Variants in PRIMA1 observed in about 807,000 individuals in gnomAD.
PRIMA1 encodes proline-rich membrane anchor 1.
In PRIMA1, 7 loss-of-function variants were observed where a neutral mutation model predicts 17.5. The ratio of observed to expected loss-of-function variants is 0.40; its 90% CI spans 0.23 to 0.75. The LOEUF (loss-of-function observed/expected upper bound fraction) is 0.75. Among genes scored for constraint, PRIMA1 ranks in the 30% least tolerant of loss-of-function variants. The pLI is 0.37. For synonymous variants in PRIMA1, 97 were observed against 77.9 expected, an observed-to-expected ratio of 1.25 and a Z score of -1.29; for missense variants, 200 against 201.8, an observed-to-expected ratio of 0.99 and a Z score of 0.05.
intron 4 of PRIMA1, 58 bp from the exon 5 acceptor site, chr14:93,721,604 A>G: frequency 9.8e-7 from 1 of 1,022,738 alleles, no homozygotes; most frequent in Non-Finnish European, 1.5e-6. Flanking sequence ...GGACACCATT[A>G]GTTATCACTG....
intron 2 of PRIMA1, among the ~76,000 whole-genome samples, chr14:93,779,714 C>A (rs985400696): frequency 1.3e-5 from 2 of 152,168 alleles, no homozygotes; most frequent in African/African-American, 4.8e-5. Flanking sequence ...TAAGCCCAAC[C>A]GCTTCTCCTG....
At chr14:93,741,144 A>G (rs1357975467) in intron 3 of PRIMA1, among the ~76,000 whole-genome samples, 3 of 152,272 alleles carry the variant, frequency 2.0e-5, no homozygotes, top group Non-Finnish European at 4.4e-5. Flanking sequence ...GTGAAGGCAT[A>G]CATCTTGGAT....
chr14:93,720,377 A>C lies in PRIMA1; in HGVS notation c.*1067T>G, dbSNP rs897633008. The C allele has an allele frequency of 6.6e-6, 1 of 152,314 alleles. No individual in the cohort carries two copies. The highest frequency in any genetic ancestry group is 1.5e-5 in the Non-Finnish European group (1 of 68,092). 9.4% of individuals were successfully genotyped at this position (152,314 alleles called of 1,614,324 possible). A position where few individuals can be genotyped will look rare whatever the true frequency, so the allele number is the denominator to read the frequency against. On this transcript the variant is annotated 3_prime_UTR_variant, in exon 5 of 5. Coordinates refer to ENST00000393140, the MANE Select transcript of PRIMA1 (RefSeq NM_178013.4). ...CGCTTCTATAGCATGAGACTGTGGA[A>C]ACAGACATTGAAAGGAAGACCCTGG...
At chr14:93,723,679 G>A (rs1274310348) in intron 4 of PRIMA1, among the ~76,000 whole-genome samples, 1 of 152,116 alleles carries the variant, frequency 6.6e-6, no homozygotes, top group Admixed American at 6.5e-5. Flanking sequence ...CATGCTTTGT[G>A]CAAAGCACTC....
At chr14:93,783,180 GTACTT>G (rs1423102435) in intron 2 of PRIMA1, among the ~76,000 whole-genome samples, 1 of 152,212 alleles carries the variant, frequency 6.6e-6, no homozygotes, top group African/African-American at 2.4e-5. Flanking sequence ...AGGTAGATGA[GTACTT>G]TATTAATCCT....
At chr14:93,775,830 C>T (rs906707601) in intron 3 of PRIMA1, among the ~76,000 whole-genome samples, 2 of 152,214 alleles carry the variant, frequency 1.3e-5, no homozygotes, top group Non-Finnish European at 2.9e-5. Context: ...CCCTTCTATT[C>T]GGATTTTCCT....
At chr14:93,728,765 T>G (rs1203227086) in intron 4 of PRIMA1, among the ~76,000 whole-genome samples, 1 of 152,148 alleles carries the variant, frequency 6.6e-6, no homozygotes, top group Admixed American at 6.5e-5. Flanking sequence ...CTCAATCTGC[T>G]GAGCATTCTG....
intron 3 of PRIMA1, among the ~76,000 whole-genome samples, chr14:93,768,906 A>G (rs1404506491): frequency 1.3e-5 from 2 of 151,660 alleles, no homozygotes; most frequent in Non-Finnish European, 2.9e-5. Flanking sequence ...CCAGGGTTCA[A>G]GCGATTCTCC....
At chr14:93,773,640 C>T (rs577843113) in intron 3 of PRIMA1, among the ~76,000 whole-genome samples, 4 of 152,314 alleles carry the variant, frequency 2.6e-5, no homozygotes, top group Admixed American at 1.3e-4. Flanking sequence ...GAGAACCTTC[C>T]GCTTCACCAG....
At chr14:93,727,510 G>A (rs951578291) in intron 4 of PRIMA1, among the ~76,000 whole-genome samples, 13 of 152,174 alleles carry the variant, frequency 8.5e-5, no homozygotes, top group African/African-American at 3.1e-4. Flanking sequence ...GGAGATCCCT[G>A]CTGGGGATTC....
intron 2 of PRIMA1, among the ~76,000 whole-genome samples, chr14:93,782,603 G>A (rs1471108545): frequency 1.3e-5 from 2 of 152,206 alleles, no homozygotes; most frequent in African/African-American, 4.8e-5. Context: ...CTGGGCAACA[G>A]AGCGAGACCC....
chr14:93,753,654 A>T (rs2076273684), intron 3 of PRIMA1, among the ~76,000 whole-genome samples: 1 of 152,174 alleles, frequency 6.6e-6, no homozygotes, highest in South Asian at 2.1e-4. Context: ...CATCTTTCCC[A>T]GGCAGAAGGC....
chr14:93,785,941 C>T (rs1225208528), intron 2 of PRIMA1, among the ~76,000 whole-genome samples: 1 of 152,098 alleles, frequency 6.6e-6, no homozygotes, highest in Non-Finnish European at 1.5e-5. Flanking sequence ...TAAGTACTGC[C>T]TGGCTGAAGG....
chr14:93,751,399 C>T (rs2141172448), intron 3 of PRIMA1, among the ~76,000 whole-genome samples: 1 of 152,348 alleles, frequency 6.6e-6, no homozygotes, highest in South Asian at 2.1e-4. Context: ...CTTCCGTTGC[C>T]TCCTCAGTCT....
intron 3 of PRIMA1, among the ~76,000 whole-genome samples, chr14:93,752,679 G>A (rs112590288): frequency 1.4e-4 from 21 of 152,236 alleles, no homozygotes; most frequent in Admixed American, 3.3e-4. Context: ...AGGGCACACC[G>A]AGACTTGGGC....
chr14:93,751,868 C>T (rs2076261606), intron 3 of PRIMA1, among the ~76,000 whole-genome samples: 1 of 152,216 alleles, frequency 6.6e-6, no homozygotes, highest in Non-Finnish European at 1.5e-5. Context: ...ACAGTAGCCA[C>T]CAGCCACATG....
At chr14:93,761,470 G>A (rs1319522656) in intron 3 of PRIMA1, among the ~76,000 whole-genome samples, 2 of 152,178 alleles carry the variant, frequency 1.3e-5, no homozygotes, top group Non-Finnish European at 2.9e-5. Context: ...TGGTCACTGT[G>A]CCCAGCTGTG....
At chr14:93,783,552 G>A (rs1374724439) in intron 2 of PRIMA1, among the ~76,000 whole-genome samples, 1 of 152,212 alleles carries the variant, frequency 6.6e-6, no homozygotes, top group Non-Finnish European at 1.5e-5. Context: ...AAAGGAGAAG[G>A]AAGTTTCCCC....
At chr14:93,727,978 C>CCTGGT in intron 4 of PRIMA1, among the ~76,000 whole-genome samples, 1 of 151,462 alleles carries the variant, frequency 6.6e-6, no homozygotes, top group Admixed American at 6.6e-5. Context: ...CCCAGCCCAG[C>CCTGGT]CTGGTCACCA....
Sources: allele counts gnomAD v4.1 joint callset (sites outside exome capture counted in the v4.1 genomes callset), GRCh38; gene constraint gnomAD v4.1.1; transcripts MANE v1.5; gene names NCBI Gene and HGNC (gene_info 2026-07-23, HGNC 2026-07-21).